HHAT: variants seen among roughly 807,000 people sequenced by gnomAD.
HHAT encodes the protein protein-cysteine N-palmitoyltransferase HHAT.
In HHAT, 47 loss-of-function variants were observed where a neutral mutation model predicts 70.8. The ratio of observed to expected loss-of-function variants is 0.66; its 90% CI spans 0.53 to 0.85. The LOEUF is 0.85. HHAT is among the 40% of genes least tolerant of loss of function. The pLI, the probability that HHAT is intolerant of heterozygous loss-of-function variation, is 0.00. For synonymous variants in HHAT, 228 were observed against 247.6 expected (o/e 0.92, Z 0.74); for missense variants, 609 against 604.8 (o/e 1.01, Z -0.07).
chr1:210,493,928 G>A (rs149684435), intron 8 of HHAT, among the ~76,000 whole-genome samples: 1 of 152,148 alleles, frequency 6.6e-6, no homozygotes. Flanking sequence ...TTGTCAATCT[G>A]TCTTTAAAGT....
intron 8 of HHAT, among the ~76,000 whole-genome samples, chr1:210,509,458 G>A (rs1031885632): frequency 4.6e-5 from 7 of 152,160 alleles, no homozygotes; most frequent in Non-Finnish European, 8.8e-5. Flanking sequence ...TCCCTGGGGG[G>A]TCTTCTGGCT....
At chr1:210,663,031 C>G (rs138708402) in intron 11 of HHAT, among the ~76,000 whole-genome samples, 150 of 152,288 alleles carry the variant, frequency 9.8e-4, no homozygotes, top group African/African-American at 3.6e-3. Context: ...AATCCTCTTG[C>G]AGGCTCAGCC....
Position 210,550,406 on chromosome 1 carries a change from A to G in HHAT, c.1043+37218A>G, listed in dbSNP as rs11804799. Reference sequence around the variant, plus strand: ...TTTACCCTGTGTGTGTCCTTGGGTAAGTTATTTAAACTCCTTTGAACTTCA... The same window carrying G: ...TTTACCCTGTGTGTGTCCTTGGGTAGGTTATTTAAACTCCTTTGAACTTCA... On this transcript the variant is annotated intron_variant, in intron 9 of 11. Coordinates refer to ENST00000261458, the MANE Select transcript of HHAT (RefSeq NM_018194.6). Among the ~76,000 whole-genome samples, 1,215 of 149,300 alleles carry G rather than the reference A, an allele frequency of 8.1e-3. 102 individuals are homozygous for G. Among genetic ancestry groups the G allele is most frequent in the African/African-American group, 0.026 (1,035 of 40,444 alleles).
chr1:210,563,860 TAC>T (rs2095645619), intron 9 of HHAT, among the ~76,000 whole-genome samples: 1 of 152,220 alleles, frequency 6.6e-6, no homozygotes, highest in East Asian at 1.9e-4. Context: ...CTTGAGCATG[TAC>T]TGTATGTTAG....
intron 8 of HHAT, among the ~76,000 whole-genome samples, chr1:210,495,950 G>A (rs2094630551): frequency 7.7e-6 from 1 of 129,624 alleles, no homozygotes; most frequent in Non-Finnish European, 1.5e-5. Context: ...GGCAGAGGTT[G>A]CAGTGAACCA....
chr1:210,584,699 A>T (rs903381958), intron 9 of HHAT, among the ~76,000 whole-genome samples: 2 of 152,144 alleles, frequency 1.3e-5, no homozygotes, highest in Non-Finnish European at 2.9e-5. Context: ...TCAGAATGAG[A>T]GCCTTCGCCC....
At chr1:210,327,700 C>A (rs529203264), upstream of HHAT, among the ~76,000 whole-genome samples, 10 of 147,318 alleles carry the variant, frequency 6.8e-5, no homozygotes, top group South Asian at 2.0e-3. Context: ...GAGACGGGGT[C>A]TCACCATGTT....
At chr1:210,366,539 C>G (rs1482544762) in intron 3 of HHAT, among the ~76,000 whole-genome samples, 11 of 152,166 alleles carry the variant, frequency 7.2e-5, no homozygotes, top group Admixed American at 5.2e-4. Flanking sequence ...TTGCTTGAAC[C>G]CGGGAGGTGG....
In HHAT at chr1:210,649,037, G is replaced by A. The variant is rs73065519; in HGVS notation, c.1391-25251G>A. ...GAATTTTGTGTTAAATAACCCAATT[G>A]GTATATATGAAAATAGCTTCCTTGG... On this transcript the variant is annotated intron_variant, in intron 11 of 11. Coordinates refer to ENST00000261458, the MANE Select transcript of HHAT (RefSeq NM_018194.6). 4.7e-3 allele frequency among the ~76,000 whole-genome samples: 717 copies of A among 152,194 alleles called. 7 individuals carry two copies. Among genetic ancestry groups the A allele is most frequent in the African/African-American group, 0.016 (664 of 41,522 alleles).
chr1:210,630,084 G>T (rs1403668070), intron 11 of HHAT, among the ~76,000 whole-genome samples: 1 of 152,088 alleles, frequency 6.6e-6, no homozygotes, highest in African/African-American at 2.4e-5. Flanking sequence ...CTCATGATCT[G>T]CCCAACTCAG....
chr1:210,392,905 C>G (rs572532607), intron 4 of HHAT, among the ~76,000 whole-genome samples: 1 of 152,268 alleles, frequency 6.6e-6, no homozygotes, highest in South Asian at 2.1e-4. Flanking sequence ...ACGTTCAGCT[C>G]CTGTTTCGCA....
rs573186940 is a variant in HHAT at position 210,502,205 on chromosome 1, A to C, written c.1008-10948A>C. ...AGAGACCATCCTGGCTAACACAGTA[A>C]AACCCCATTTCTACTAAAAATACAA... On this transcript the variant is annotated intron_variant, in intron 8 of 11. Coordinates refer to ENST00000261458, the MANE Select transcript of HHAT (RefSeq NM_018194.6). 5.6e-4 allele frequency among the ~76,000 whole-genome samples: 85 copies of C among 151,850 alleles called. 1 individual carries two copies. The highest frequency in any genetic ancestry group is 1.9e-3 in the African/African-American group (79 of 41,462).
intron 8 of HHAT, among the ~76,000 whole-genome samples, chr1:210,507,714 G>A (rs1484232810): frequency 6.6e-6 from 1 of 152,106 alleles, no homozygotes; most frequent in East Asian, 1.9e-4. Context: ...ATTAAAGATG[G>A]CCCTACAAGG....
At chr1:210,486,994 T>C (rs1449231161) in intron 8 of HHAT, among the ~76,000 whole-genome samples, 1 of 152,198 alleles carries the variant, frequency 6.6e-6, no homozygotes. Flanking sequence ...CTTAGAGCCA[T>C]ATAATTATTT....
In HHAT at chr1:210,328,977, G is replaced by A; in HGVS notation, c.-171G>A. 7.5e-7 allele frequency: 1 copy of A among 1,329,410 alleles called. No individual in the cohort carries two copies. Among genetic ancestry groups the A allele is most frequent in the South Asian group, 1.9e-5 (1 of 51,492 alleles). 82.4% of individuals were successfully genotyped at this position (1,329,410 alleles called of 1,614,324 possible). A position where few individuals can be genotyped will look rare whatever the true frequency, so the allele number is the denominator to read the frequency against. ...CAAAGGGCAGCTCCGGGGGAAAGAG[G>A]GTGGCGTCCCGGGGAAGCCCGCAGC... On this transcript the variant is annotated 5_prime_UTR_variant, in exon 1 of 12. Transcript: ENST00000261458.
intron 9 of HHAT, among the ~76,000 whole-genome samples, chr1:210,527,685 G>C (rs1284246175): frequency 2.6e-5 from 4 of 152,218 alleles, no homozygotes; most frequent in African/African-American, 9.7e-5. Flanking sequence ...CGTGGGGCTT[G>C]CTTTCTACTG....
At chr1:210,603,407 G>A (rs1291388376) in intron 10 of HHAT, among the ~76,000 whole-genome samples, 3 of 152,054 alleles carry the variant, frequency 2.0e-5, no homozygotes, top group Non-Finnish European at 4.4e-5. Flanking sequence ...CTAGTGCCTA[G>A]CAGCTTTCCA....
chr1:210,496,764 A>G (rs1298598368), intron 8 of HHAT, among the ~76,000 whole-genome samples: 4 of 152,246 alleles, frequency 2.6e-5, no homozygotes, highest in Non-Finnish European at 4.4e-5. Flanking sequence ...AAGATCGTGA[A>G]TATGAACACC....
chr1:210,528,312 G>T (rs1411812715), intron 9 of HHAT, among the ~76,000 whole-genome samples: 1 of 152,172 alleles, frequency 6.6e-6, no homozygotes, highest in African/African-American at 2.4e-5. Flanking sequence ...GAAGGAGCAG[G>T]GTGCATCATA....
Sources: allele counts gnomAD v4.1 joint callset (sites outside exome capture counted in the v4.1 genomes callset), GRCh38; gene constraint gnomAD v4.1.1; transcripts MANE v1.5; gene names NCBI Gene and HGNC (gene_info 2026-07-23, HGNC 2026-07-21).